The following SARM1 variants were observed in gnomAD, a reference collection of about 807,000 sequenced individuals.
SARM1 encodes the protein NAD(+) hydrolase SARM1.
In SARM1, 60 loss-of-function variants were observed where a neutral mutation model predicts 65.1. That is an observed-to-expected ratio of 0.92 (90% CI 0.75 to 1.14). The LOEUF (loss-of-function observed/expected upper bound fraction) is 1.14. SARM1 is among the 50% of genes most tolerant of loss of function. SARM1 has a pLI of 0.00. For missense variants in SARM1, 913 were observed against 1,015.7 expected, an observed-to-expected ratio of 0.90 and a Z score of 1.37; for synonymous variants, 417 against 465.4, an observed-to-expected ratio of 0.90 and a Z score of 1.34.
Position 28,396,404 on chromosome 17 carries a change from G to A in SARM1, c.*118G>A. ...CAACCTGGGCTCTTCTTAGGAAATGGCTCTCCCTCCCCCTGTCCCCCACCC... is the reference window on the plus strand; with the variant it reads ...CAACCTGGGCTCTTCTTAGGAAATGACTCTCCCTCCCCCTGTCCCCCACCC... On this transcript the variant is annotated 3_prime_UTR_variant, in exon 9 of 9. Coordinates refer to ENST00000585482, the MANE Select transcript of SARM1 (RefSeq NM_015077.4). 1 of 1,223,738 alleles carries A rather than the reference G, an allele frequency of 8.2e-7. No homozygotes were observed. The highest frequency in any genetic ancestry group is 1.2e-6 in the Non-Finnish European group (1 of 860,998). 75.8% of individuals were successfully genotyped at this position (1,223,738 alleles called of 1,614,324 possible). A position where few individuals can be genotyped will look rare whatever the true frequency, so the allele number is the denominator to read the frequency against.
At position 28,381,487 on chromosome 17, in the gene SARM1, A is replaced by G; in HGVS notation, c.755A>G (p.Glu252Gly). The G allele has an allele frequency of 6.4e-7, 1 of 1,555,294 alleles. No individual in the cohort carries two copies. Among genetic ancestry groups the G allele is most frequent in the Non-Finnish European group, 8.7e-7 (1 of 1,150,106 alleles). The change falls in exon 2 of 9, where the codon GAG (glutamate) becomes GGG (glycine). Residue 252 changes from glutamate to glycine, a missense_variant. By Grantham distance (98) the Glu-to-Gly change is moderately conservative. Coordinates refer to ENST00000585482, the MANE Select transcript of SARM1 (RefSeq NM_015077.4). ...QRRMVEKRAA[E>G]WLFPLAFSKE... ...CGCATGGTAGAGAAGCGCGCAGCCG[A>G]GTGGCTCTTCCCGCTCGCCTTCTCC...
chr17:28,382,540 C>T (rs147865315), intron 2 of SARM1, among the ~76,000 whole-genome samples: 1 of 152,270 alleles, frequency 6.6e-6, no homozygotes, highest in Non-Finnish European at 1.5e-5. Context: ...TGTCCAGGGC[C>T]TAATCCACCA....
Position 28,396,614 on chromosome 17 carries a change from T to G in SARM1, c.*328T>G. 1 of 299,692 alleles carries G rather than the reference T, an allele frequency of 3.3e-6. No homozygotes were observed. Among genetic ancestry groups the G allele is most frequent in the Non-Finnish European group, 6.3e-6 (1 of 158,568 alleles). 18.6% of individuals were successfully genotyped at this position (299,692 alleles called of 1,614,324 possible). On this transcript the variant is annotated 3_prime_UTR_variant, in exon 9 of 9. Transcript: ENST00000585482. ...GTGGGGGTGGTTCTGCATTCCCTTCTCCTGCTGATAGCAGTCAGCTTGAGG... is the reference window on the plus strand; with the variant it reads ...GTGGGGGTGGTTCTGCATTCCCTTCGCCTGCTGATAGCAGTCAGCTTGAGG...
chr17:28,396,134 C>T (rs782429755), intron 8 of SARM1, 23 bp from the exon 9 acceptor site: 4 of 1,613,826 alleles, frequency 2.5e-6, no homozygotes, highest in Admixed American at 3.3e-5. Context: ...CTGTCTGAAC[C>T]ACATTGGCTC....
In SARM1 at chr17:28,372,627, C is replaced by T; in HGVS notation, c.470+125C>T. On this transcript the variant is annotated intron_variant, in intron 1 of 8. Coordinates refer to ENST00000585482, the MANE Select transcript of SARM1 (RefSeq NM_015077.4). This position sits in a 1 kb window ranked among gnomAD's most constrained non-coding sequence, Gnocchi z 5.2. ...CTCTCTGACTGCCTGCACTACATCT[C>T]TGTTAGGGGTCAGCCTGTCTGTTTC... 1 of 681,798 alleles carries T rather than the reference C, an allele frequency of 1.5e-6. No homozygotes were observed. Among genetic ancestry groups the T allele is most frequent in the South Asian group, 2.0e-5 (1 of 49,738 alleles). The allele number at this position is 681,798 out of a possible 1,614,324, so 42.2% of individuals were successfully genotyped here.
rs1555588468 is a variant in SARM1, at chr17:28,397,681, A to AT, written c.*1399dup. The AT allele has an allele frequency of 6.6e-6, 1 of 152,174 alleles. No homozygotes were observed. Among genetic ancestry groups the AT allele is most frequent in the Non-Finnish European group, 1.5e-5 (1 of 68,044 alleles). The allele number at this position is 152,174 out of a possible 1,614,324, so 9.4% of individuals were successfully genotyped here. A position where few individuals can be genotyped will look rare whatever the true frequency, so the allele number is the denominator to read the frequency against. On this transcript the variant is annotated 3_prime_UTR_variant, in exon 9 of 9. Transcript: ENST00000585482. ...AAAGAATCTAGCAGCGGGGGATAGG[A>AT]TTTTGCAACAAAAAGCTGACCCAGA... is the stretch of plus-strand genomic sequence containing the variant.
rs189061506 is a variant in SARM1, at chr17:28,372,679, A to T, written c.470+177A>T. On this transcript the variant is annotated intron_variant, in intron 1 of 8. Coordinates refer to ENST00000585482, the MANE Select transcript of SARM1 (RefSeq NM_015077.4). The surrounding 1 kb of genome is among the most constrained non-coding windows in gnomAD (Gnocchi z 5.2). The stretch of plus-strand genomic sequence containing the variant: ...CAGATAAGGAAACTGAGCCTTGGGA[A>T]AGTTTAGTGACTTGCTCAGTGGATC... Among the ~76,000 whole-genome samples the T allele has an allele frequency of 1.9e-3, 288 of 152,304 alleles. No homozygotes were observed. The highest frequency in any genetic ancestry group is 5.2e-3 in the South Asian group (25 of 4,828).
rs782485432 is a variant in SARM1, at chr17:28,385,227, G to A, written c.1582G>A (p.Gly528Ser). 6.3e-7 allele frequency: 1 copy of A among 1,593,336 alleles called. No homozygotes were observed. The highest frequency in any genetic ancestry group is 8.5e-7 in the Non-Finnish European group (1 of 1,174,254). ...VSEQQLLEDC[G>S]IHLGVHRARI... ...TGAGCAGCAGCTGCTGGAAGACTGCGGCATCCACCTGGGCGTGCACCGCGC... is the reference window on the plus strand; with the variant it reads ...TGAGCAGCAGCTGCTGGAAGACTGCAGCATCCACCTGGGCGTGCACCGCGC... Residue 528 changes from glycine (G) to serine (S), a missense_variant, in exon 5 of 9, where the codon GGC becomes AGC. Physicochemically the swap from Gly to Ser is moderately conservative, Grantham distance 56 (BLOSUM62 0). Transcript: ENST00000585482. This position sits in a 1 kb window ranked among gnomAD's most constrained non-coding sequence, Gnocchi z 4.5.
At position 28,403,461 on chromosome 17, in the gene SARM1, G is replaced by A. The variant is rs952471541; in HGVS notation, c.*7175G>A. On this transcript the variant is annotated 3_prime_UTR_variant, in exon 9 of 9. Coordinates refer to ENST00000585482, the MANE Select transcript of SARM1 (RefSeq NM_015077.4). ...ACAGGACAGTGGATCCTCCAAAGAAGGTATACGATGAGGCATCCAGGGACC... is the reference window on the plus strand; with the variant it reads ...ACAGGACAGTGGATCCTCCAAAGAAAGTATACGATGAGGCATCCAGGGACC... 2.6e-5 allele frequency: 4 copies of A among 152,282 alleles called. No homozygotes were observed. The highest frequency in any genetic ancestry group is 4.4e-5 in the Non-Finnish European group (3 of 68,040). 9.4% of individuals were successfully genotyped at this position (152,282 alleles called of 1,614,324 possible). A position where few individuals can be genotyped will look rare whatever the true frequency, so the allele number is the denominator to read the frequency against.
chr17:28,381,506 C>T lies in SARM1; in HGVS notation c.774C>T (p.Ala258=), dbSNP rs782236742. Residue 258 remains alanine, a synonymous_variant, in exon 2 of 9, where the codon GCC becomes GCT. Coordinates refer to ENST00000585482, the MANE Select transcript of SARM1 (RefSeq NM_015077.4). ...KRAAEWLFPL[A]FSKEDELLRL... ...CAGCCGAGTGGCTCTTCCCGCTCGC[C>T]TTCTCCAAGGAGGACGAGCTGCTTC... 1.9e-6 allele frequency: 3 copies of T among 1,562,920 alleles called. No individual in the cohort carries two copies. In the South Asian group the frequency reaches 3.5e-5, roughly 18 times the overall value.
At position 28,388,580 on chromosome 17, in the gene SARM1, T is replaced by G. The variant is rs782052882; in HGVS notation, c.1923+41T>G. On this transcript the variant is annotated intron_variant, in intron 7 of 8. Transcript: ENST00000585482. Reference sequence around the variant, plus strand: ...TGCTTCTGCGGTCCCAGCATTGGCCTGTGGTCCAGAAGATAGGGTCGTCTT... The same window carrying G: ...TGCTTCTGCGGTCCCAGCATTGGCCGGTGGTCCAGAAGATAGGGTCGTCTT... The G allele has an allele frequency of 6.5e-5, 103 of 1,589,256 alleles. No homozygotes were observed. The South Asian group carries it at 1.1e-3, about 17-fold the overall frequency.
At chr17:28,388,811 C>T (rs1555586509) in intron 7 of SARM1, among the ~76,000 whole-genome samples, 1 of 148,618 alleles carries the variant, frequency 6.7e-6, no homozygotes, top group Non-Finnish European at 1.5e-5. Flanking sequence ...CGCTCTGTCA[C>T]TCAGGCTGGA....
At chr17:28,386,158 A>T (rs2068049425) in intron 5 of SARM1, among the ~76,000 whole-genome samples, 1 of 152,160 alleles carries the variant, frequency 6.6e-6, no homozygotes, top group Non-Finnish European at 1.5e-5. Context: ...ACAAAAAATT[A>T]GCTAGGTGTG....
chr17:28,384,367 ACATCGGCGC>A lies in SARM1; in HGVS notation c.1105_1113del (p.Gly369_Ile371del). 1 of 1,590,512 alleles carries A rather than the reference ACATCGGCGC, an allele frequency of 6.3e-7. No homozygotes were observed. The highest frequency in any genetic ancestry group is 8.6e-7 in the Non-Finnish European group (1 of 1,167,102). On this transcript the variant is annotated inframe_deletion, in exon 3 of 9. Transcript: ENST00000585482. The surrounding 1 kb of genome is among the most constrained non-coding windows in gnomAD (Gnocchi z 4.4). ...CCACTCCCTCCCTAGGTGTTCAGCG[ACATCGGCGC>A]CATCCAGAGCCTGAAACGCCTGGTT...
chr17:28,381,766 G>A lies in SARM1; in HGVS notation c.1034G>A (p.Gly345Glu). 6.7e-7 allele frequency: 1 copy of A among 1,485,284 alleles called. No homozygotes were observed. The highest frequency in any genetic ancestry group is 8.9e-7 in the Non-Finnish European group (1 of 1,117,818). The allele number at this position is 1,485,284 out of a possible 1,614,324, so 92.0% of individuals were successfully genotyped here. The change falls in exon 2 of 9, where the codon GGG becomes GAG. Residue 345 changes from glycine (G) to glutamate (E), a missense_variant. Around this residue, in one of 3 missense-constraint regions of SARM1, gnomAD observed 862 missense variants for 952.1 expected, o/e 0.91. Transcript: ENST00000585482. ...DSNRLEAQCIGAFYLCAEAAI... is the reference protein window; with the variant it reads ...DSNRLEAQCIEAFYLCAEAAI... ...AACCGCTTGGAGGCGCAGTGCATCG[G>A]GGCTTTCTACCTCTGCGCCGAGGCT... is the stretch of plus-strand genomic sequence containing the variant.
At chr17:28,375,335 T>C (rs1439978018) in intron 1 of SARM1, among the ~76,000 whole-genome samples, 5 of 142,808 alleles carry the variant, frequency 3.5e-5, no homozygotes, top group African/African-American at 1.3e-4. Context: ...CAGTGTCTCA[T>C]GCCTGTAATC....
chr17:28,378,931 A>T (rs1457235228), intron 1 of SARM1, among the ~76,000 whole-genome samples: 1 of 152,202 alleles, frequency 6.6e-6, no homozygotes, highest in Non-Finnish European at 1.5e-5. Context: ...CCTCCCTGCA[A>T]ATCCTACAGA....
rs1207587504 is a variant in SARM1, at chr17:28,399,305, G to A, written c.*3019G>A. On this transcript the variant is annotated 3_prime_UTR_variant, in exon 9 of 9. Transcript: ENST00000585482. ...GCTGGAAGGAGAGATGCCAGCCCTC[G>A]TGCTGCCTCTGGTCCCTGAAGTGTC... The A allele has an allele frequency of 8.0e-5, 20 of 251,330 alleles. No homozygotes were observed. The highest frequency in any genetic ancestry group is 2.1e-4 in the South Asian group (3 of 14,574). 15.6% of individuals were successfully genotyped at this position (251,330 alleles called of 1,614,324 possible). A position where few individuals can be genotyped will look rare whatever the true frequency, so the allele number is the denominator to read the frequency against.
At chr17:28,391,437 C>T (rs1243358621) in intron 7 of SARM1, among the ~76,000 whole-genome samples, 1 of 152,104 alleles carries the variant, frequency 6.6e-6, no homozygotes. Context: ...GGCTCTGACA[C>T]TGGAATGCAG....
Sources: allele counts gnomAD v4.1 joint callset (sites outside exome capture counted in the v4.1 genomes callset), GRCh38; gene constraint gnomAD v4.1.1; regional missense constraint gnomAD v4.1.1; non-coding constraint Gnocchi (gnomAD v3.1); transcripts MANE v1.5; gene names NCBI Gene and HGNC (gene_info 2026-07-23, HGNC 2026-07-21).